The following PITPNC1 variants were observed in gnomAD, a reference collection of about 807,000 sequenced individuals.
PITPNC1 encodes phosphatidylinositol transfer protein cytoplasmic 1.
PITPNC1 carries 18 observed loss-of-function variants against 44.7 expected under a neutral mutation model. The observed-to-expected ratio is 0.40, with a 90% CI of 0.28 to 0.60. PITPNC1 has a LOEUF of 0.60. Ranked by LOEUF, PITPNC1 falls within the 20% of genes least tolerant of loss-of-function variation. PITPNC1 has a pLI of 0.39. For synonymous variants in PITPNC1, 141 were observed against 149.6 expected (o/e 0.94, Z 0.42); for missense variants, 290 against 418.4 (o/e 0.69, Z 2.68).
chr17:67,400,801 A>G (rs1468775878), intron 1 of PITPNC1, among the ~76,000 whole-genome samples: 1 of 150,050 alleles, frequency 6.7e-6, no homozygotes, highest in Non-Finnish European at 1.5e-5. Flanking sequence ...AACTATATAT[A>G]ATAAAATACA....
chr17:67,596,541 C>T (rs1043723813), intron 5 of PITPNC1, among the ~76,000 whole-genome samples: 2 of 152,056 alleles, frequency 1.3e-5, no homozygotes, highest in East Asian at 1.9e-4. Flanking sequence ...GATAGAGTCT[C>T]GCTCTGTCGT....
chr17:67,437,411 C>T (rs552197180), intron 1 of PITPNC1, among the ~76,000 whole-genome samples: 4 of 152,220 alleles, frequency 2.6e-5, no homozygotes, highest in African/African-American at 9.6e-5. Flanking sequence ...AGCCAGGGAA[C>T]GCCTGGGGCC....
rs2042965218 is a variant in PITPNC1 at position 67,693,590 on chromosome 17, AT to A, written c.*703del. 1 of 152,568 alleles carries A rather than the reference AT, an allele frequency of 6.6e-6. No individual in the cohort carries two copies. The highest frequency in any genetic ancestry group is 6.5e-5 in the Admixed American group (1 of 15,282). The allele number at this position is 152,568 out of a possible 1,614,324, so 9.5% of individuals were successfully genotyped here. A position where few individuals can be genotyped will look rare whatever the true frequency, so the allele number is the denominator to read the frequency against. On this transcript the variant is annotated 3_prime_UTR_variant, in exon 9 of 9. Transcript: ENST00000581322. ...AAATCCTTAAGAATTGCATGGATGA[AT>A]GTGACCATAACTGATTTTGGAATGG...
intron 1 of PITPNC1, among the ~76,000 whole-genome samples, chr17:67,486,985 A>G (rs897522703): frequency 6.6e-6 from 1 of 151,652 alleles, no homozygotes; most frequent in African/African-American, 2.4e-5. Flanking sequence ...GTGAGCTGAG[A>G]CTGCACCACC....
intron 6 of PITPNC1, among the ~76,000 whole-genome samples, chr17:67,650,157 A>C (rs1039584617): frequency 6.6e-6 from 1 of 152,160 alleles, no homozygotes; most frequent in Non-Finnish European, 1.5e-5. Context: ...AGTCACCCCC[A>C]TCACTCAGGA....
intron 8 of PITPNC1, among the ~76,000 whole-genome samples, chr17:67,678,234 AT>A (rs2042639840): frequency 6.6e-6 from 1 of 151,766 alleles, no homozygotes; most frequent in Non-Finnish European, 1.5e-5. Flanking sequence ...AAAAAAAAGA[AT>A]TCTGGGATTA....
At chr17:67,424,823 C>T (rs897946415) in intron 1 of PITPNC1, among the ~76,000 whole-genome samples, 1 of 151,964 alleles carries the variant, frequency 6.6e-6, no homozygotes, top group Non-Finnish European at 1.5e-5. Context: ...AGTGTCAGGC[C>T]TCTCAGCCCA....
At chr17:67,689,308 G>A (rs2042879117) in intron 8 of PITPNC1, among the ~76,000 whole-genome samples, 1 of 152,138 alleles carries the variant, frequency 6.6e-6, no homozygotes, top group South Asian at 2.1e-4. Context: ...TTCTTCCCAT[G>A]GAAAAGCCCA....
At chr17:67,553,908 C>T (rs1031906505) in intron 4 of PITPNC1, among the ~76,000 whole-genome samples, 1 of 152,104 alleles carries the variant, frequency 6.6e-6, no homozygotes, top group Non-Finnish European at 1.5e-5. Context: ...TGATAGTTCA[C>T]TATAATAAAA....
At chr17:67,577,158 C>T (rs924075922) in intron 4 of PITPNC1, among the ~76,000 whole-genome samples, 12 of 152,012 alleles carry the variant, frequency 7.9e-5, no homozygotes, top group Non-Finnish European at 1.6e-4. Flanking sequence ...TGGTGTCACA[C>T]ACCTATAGCT....
At chr17:67,430,074 T>A (rs546780087) in intron 1 of PITPNC1, among the ~76,000 whole-genome samples, 1 of 152,260 alleles carries the variant, frequency 6.6e-6, no homozygotes, top group East Asian at 1.9e-4. Flanking sequence ...TTTTTACCCA[T>A]CTGCAAAAGA....
chr17:67,415,737 A>G (rs1286795087), intron 1 of PITPNC1, among the ~76,000 whole-genome samples: 1 of 152,160 alleles, frequency 6.6e-6, no homozygotes, highest in African/African-American at 2.4e-5. Flanking sequence ...CCAGAAACTC[A>G]TTCTAATTTT....
chr17:67,597,841 G>A lies in PITPNC1; in HGVS notation c.366+19584G>A, dbSNP rs1267106078. 6.6e-6 allele frequency among the ~76,000 whole-genome samples: 1 copy of A among 152,152 alleles called. No individual in the cohort carries two copies. Among genetic ancestry groups the A allele is most frequent in the African/African-American group, 2.4e-5 (1 of 41,436 alleles). ...GGTAGACAGGCAAGATCGTGATGCA[G>A]GGAGAGACTGGTAGAGAACACAGGA... On this transcript the variant is annotated intron_variant, in intron 5 of 8. Coordinates refer to ENST00000581322, the MANE Select transcript of PITPNC1 (RefSeq NM_012417.4). The surrounding 1 kb of genome is among the most constrained non-coding windows in gnomAD (Gnocchi z 4.0).
intron 4 of PITPNC1, among the ~76,000 whole-genome samples, chr17:67,575,243 C>T (rs1229110198): frequency 9.6e-6 from 1 of 104,640 alleles, no homozygotes; most frequent in Non-Finnish European, 2.1e-5. Flanking sequence ...CATCCCCCCA[C>T]GTTCTCATGT....
chr17:67,581,320 A>T (rs1458667274), intron 5 of PITPNC1, among the ~76,000 whole-genome samples: 1 of 152,164 alleles, frequency 6.6e-6, no homozygotes, highest in African/African-American at 2.4e-5. Context: ...GCTGCAAGAG[A>T]AGCACCTATC....
chr17:67,435,799 C>T (rs2038929549), intron 1 of PITPNC1, among the ~76,000 whole-genome samples: 1 of 152,082 alleles, frequency 6.6e-6, no homozygotes, highest in South Asian at 2.1e-4. Context: ...TTGCAGTGGG[C>T]CGAGATCATG....
chr17:67,641,235 T>C (rs1260103640), intron 6 of PITPNC1, among the ~76,000 whole-genome samples: 1 of 152,154 alleles, frequency 6.6e-6, no homozygotes, highest in Non-Finnish European at 1.5e-5. Context: ...TATTTTTTGC[T>C]CATAAATTAA....
intron 6 of PITPNC1, among the ~76,000 whole-genome samples, chr17:67,649,185 C>T (rs757454536): frequency 2.0e-5 from 3 of 152,136 alleles, no homozygotes; most frequent in Non-Finnish European, 4.4e-5. Context: ...GTTTGCTGAG[C>T]CGGGAACTTG....
At chr17:67,649,381 G>A (rs529886008) in intron 6 of PITPNC1, among the ~76,000 whole-genome samples, 1 of 152,328 alleles carries the variant, frequency 6.6e-6, no homozygotes, top group South Asian at 2.1e-4. Context: ...GGAATAGCAC[G>A]GGGGCATCCC....
Sources: gnomAD v4.1 joint callset for allele counts (sites outside exome capture counted in the v4.1 genomes callset) on GRCh38, gnomAD v4.1.1 for gene constraint, Gnocchi (gnomAD v3.1) non-coding constraint, MANE v1.5 for transcripts, NCBI Gene and HGNC (gene_info 2026-07-23, HGNC 2026-07-21) for gene names.